Variants in SNRNP70 observed in about 807,000 individuals in gnomAD.
The protein encoded by SNRNP70 is small nuclear ribonucleoprotein U1 subunit 70.
In SNRNP70, 8 loss-of-function variants were observed where a neutral mutation model predicts 50.5. That is an observed-to-expected ratio of 0.16 (90% CI 0.09 to 0.29). The LOEUF is 0.29. SNRNP70 is among the 10% of genes least tolerant of loss of function. The pLI, the probability that SNRNP70 is intolerant of heterozygous loss-of-function variation, is 1.00. For synonymous variants in SNRNP70, 320 were observed against 252.9 expected (o/e 1.27, Z -2.52); for missense variants, 529 against 663.5 (o/e 0.80, Z 2.23).
intron 4 of SNRNP70, among the ~76,000 whole-genome samples, chr19:49,091,050 C>T (rs916650289): frequency 2.0e-5 from 3 of 151,990 alleles, no homozygotes; most frequent in Non-Finnish European, 2.9e-5. Context: ...AGCAGGGGAC[C>T]GTGGATGTGA....
chr19:49,106,800 T>C (rs1207202509), intron 8 of SNRNP70, among the ~76,000 whole-genome samples: 1 of 152,176 alleles, frequency 6.6e-6, no homozygotes. Flanking sequence ...ATCTATCTAT[T>C]CACTTGACAC....
rs947214801 is a variant in SNRNP70 at position 49,101,485 on chromosome 19, G to T, written c.475+14G>T. On this transcript the variant is annotated intron_variant, in intron 7 of 9. Coordinates refer to ENST00000598441, the MANE Select transcript of SNRNP70 (RefSeq NM_003089.6). The stretch of plus-strand genomic sequence containing the variant: ...GAGACATGCACTGTGAGTACCTCCC[G>T]CCGAGCCCTGCCCTCTGACCTGCTC... 6.3e-7 allele frequency: 1 copy of T among 1,594,856 alleles called. No individual in the cohort carries two copies. Among genetic ancestry groups the T allele is most frequent in the African/African-American group, 1.3e-5 (1 of 74,610 alleles).
Position 49,108,450 on chromosome 19 carries a change from C to A in SNRNP70, c.*7C>A. 2 of 1,588,778 alleles carry A rather than the reference C, an allele frequency of 1.3e-6. No homozygotes were observed. Among genetic ancestry groups the A allele is most frequent in the South Asian group, 2.3e-5 (2 of 87,224 alleles). On this transcript the variant is annotated 3_prime_UTR_variant, in exon 10 of 10. Coordinates refer to ENST00000598441, the MANE Select transcript of SNRNP70 (RefSeq NM_003089.6). ...GGAGGCTGCGCCGGAGTGAAGAGGT[C>A]GTCCTCTCCATCTGCTGTGTTTGGA...
chr19:49,100,853 A>G (rs1417750662), intron 6 of SNRNP70, among the ~76,000 whole-genome samples: 1 of 149,728 alleles, frequency 6.7e-6, no homozygotes, highest in Non-Finnish European at 1.5e-5. Flanking sequence ...GGCATTCACA[A>G]CTCCCTCCTG....
At chr19:49,095,346 C>T (rs138520196) in intron 4 of SNRNP70, among the ~76,000 whole-genome samples, 2,643 of 152,330 alleles carry the variant, frequency 0.017, 28 homozygotes, top group Non-Finnish European at 0.025. Context: ...TGCTGTCTGG[C>T]GTTGCCGGGT....
intron 4 of SNRNP70, among the ~76,000 whole-genome samples, chr19:49,097,501 C>T (rs1350038196): frequency 6.6e-6 from 1 of 152,184 alleles, no homozygotes; most frequent in Non-Finnish European, 1.5e-5. Context: ...TCACACGTGT[C>T]TGCAATTCAA....
chr19:49,091,982 T>A (rs1266403877), intron 4 of SNRNP70, among the ~76,000 whole-genome samples: 1 of 152,214 alleles, frequency 6.6e-6, no homozygotes, highest in East Asian at 1.9e-4. Flanking sequence ...AAGACCTATT[T>A]GTGTTATTTT....
rs753868640 is a variant in SNRNP70, at chr19:49,107,497, G to A, written c.578-128G>A. 1.3e-6 allele frequency: 1 copy of A among 799,936 alleles called. No individual in the cohort carries two copies. Among genetic ancestry groups the A allele is most frequent in the African/African-American group, 1.7e-5 (1 of 58,282 alleles). The allele number at this position is 799,936 out of a possible 1,614,324, so 49.6% of individuals were successfully genotyped here. ...GTGCGCGGGATGAACTGCACGGGGG[G>A]ACCCGGCCCTGTGAACACTAAGCCA... On this transcript the variant is annotated intron_variant, in intron 8 of 9. Coordinates refer to ENST00000598441, the MANE Select transcript of SNRNP70 (RefSeq NM_003089.6). The surrounding 1 kb of genome is among the most constrained non-coding windows in gnomAD (Gnocchi z 6.0).
Position 49,108,277 on chromosome 19 carries a change from G to T in SNRNP70, c.1148G>T (p.Arg383Leu). ...DRDREHKRGE[R>L]GSERGRDEAR... is the part of the protein sequence containing the mutation. ...GACCGCGAGCACAAACGGGGGGAGC[G>T]GGGCAGTGAGCGGGGCAGGGATGAG... Residue 383 changes from arginine to leucine, a missense_variant, in exon 10 of 10, where the codon CGG becomes CTG. Arg to Leu is a moderately radical substitution (Grantham distance 102). Coordinates refer to ENST00000598441, the MANE Select transcript of SNRNP70 (RefSeq NM_003089.6). The T allele has an allele frequency of 6.4e-7, 1 of 1,561,758 alleles. No individual in the cohort carries two copies. Among genetic ancestry groups the T allele is most frequent in the Admixed American group, 1.9e-5 (1 of 52,142 alleles).
chr19:49,088,574 G>A (rs958346725), intron 2 of SNRNP70, among the ~76,000 whole-genome samples: 6 of 146,694 alleles, frequency 4.1e-5, no homozygotes, highest in Non-Finnish European at 5.9e-5. Flanking sequence ...TAGGCTCACT[G>A]CAACTTCCAC....
chr19:49,085,614 C>T lies in SNRNP70; in HGVS notation c.-33C>T, dbSNP rs757211363. 5 of 455,966 alleles carry T rather than the reference C, an allele frequency of 1.1e-5. No individual in the cohort carries two copies. Among genetic ancestry groups the T allele is most frequent in the African/African-American group, 1.0e-4 (5 of 50,082 alleles). The allele number at this position is 455,966 out of a possible 1,614,324, so 28.2% of individuals were successfully genotyped here. A position where few individuals can be genotyped will look rare whatever the true frequency, so the allele number is the denominator to read the frequency against. ...CCGCCGCGAGCCTCCGGACAGACGC[C>T]AGAGCGAGGAGGGCGCTACGCGGTG... On this transcript the variant is annotated 5_prime_UTR_variant, in exon 1 of 10. Transcript: ENST00000598441.
intron 4 of SNRNP70, among the ~76,000 whole-genome samples, chr19:49,094,753 C>T (rs1181199319): frequency 2.0e-5 from 3 of 152,224 alleles, no homozygotes; most frequent in Admixed American, 2.0e-4. Flanking sequence ...GGGACGGTGC[C>T]TCCTTGCTGA....
At chr19:49,094,652 A>G (rs545978985) in intron 4 of SNRNP70, among the ~76,000 whole-genome samples, 1 of 152,260 alleles carries the variant, frequency 6.6e-6, no homozygotes, top group South Asian at 2.1e-4. Flanking sequence ...AGAATGGATC[A>G]AGTTCAGTAG....
In SNRNP70 at chr19:49,108,458, C is replaced by G. The variant is rs747309868; in HGVS notation, c.*15C>G. On this transcript the variant is annotated 3_prime_UTR_variant, in exon 10 of 10. Coordinates refer to ENST00000598441, the MANE Select transcript of SNRNP70 (RefSeq NM_003089.6). ...CGCCGGAGTGAAGAGGTCGTCCTCT[C>G]CATCTGCTGTGTTTGGACGCGTTCC... The G allele has an allele frequency of 3.2e-6, 5 of 1,581,404 alleles. No individual in the cohort carries two copies. In the South Asian group the frequency reaches 5.8e-5, roughly 18 times the overall value.
chr19:49,094,934 C>T (rs1054538447), intron 4 of SNRNP70, among the ~76,000 whole-genome samples: 12 of 152,236 alleles, frequency 7.9e-5, no homozygotes, highest in African/African-American at 2.4e-4. Flanking sequence ...CCCAACTCCA[C>T]GACCCACTTC....
At chr19:49,085,741 T>C (rs904114866) in intron 1 of SNRNP70, 105 bp downstream of exon 1, 1 of 430,146 alleles carries the variant, frequency 2.3e-6, no homozygotes. Flanking sequence ...CTTTCCCGCG[T>C]CCCCGCCACA....
chr19:49,106,822 C>T (rs1259574291), intron 8 of SNRNP70, among the ~76,000 whole-genome samples: 1 of 152,310 alleles, frequency 6.6e-6, no homozygotes, highest in East Asian at 1.9e-4. Context: ...CACACATCCA[C>T]CTTTCTATAC....
rs2040702310 is a variant in SNRNP70 at position 49,108,105 on chromosome 19, C to T, written c.976C>T (p.Pro326Ser). The T allele has an allele frequency of 6.5e-7, 1 of 1,549,520 alleles. No homozygotes were observed. ...GGAGCCCTCCGAGGCGGGTGACGCG[C>T]CCCCTGATGATGGGCCTCCAGGGGA... The part of the protein sequence containing the change: ...MAEPSEAGDA[P>S]PDDGPPGELG... The change falls in exon 10 of 10, where the codon CCC becomes TCC. Residue 326 changes from proline to serine, a missense_variant. By Grantham distance (74) the Pro-to-Ser change is moderately conservative (BLOSUM62 -1). Transcript: ENST00000598441.
intron 2 of SNRNP70, 136 bp from the exon 3 acceptor site, chr19:49,090,155 T>A (rs1600272386): frequency 9.6e-6 from 7 of 727,868 alleles, no homozygotes; most frequent in Non-Finnish European, 1.7e-5. Context: ...CTCCACTGTG[T>A]CAGGGGAAGT....
Sources: gnomAD v4.1 joint callset for allele counts (sites outside exome capture counted in the v4.1 genomes callset) on GRCh38, gnomAD v4.1.1 for gene constraint, Gnocchi (gnomAD v3.1) non-coding constraint, MANE v1.5 for transcripts, NCBI Gene and HGNC (gene_info 2026-07-23, HGNC 2026-07-21) for gene names.